SMCHD1: variants seen among roughly 807,000 people sequenced by gnomAD.
SMCHD1 encodes the protein structural maintenance of chromosomes flexible hinge domain-containing protein 1.
Under a neutral mutation model 254.7 loss-of-function variants are expected in SMCHD1, and 78 were observed. That is an observed-to-expected ratio of 0.31 (90% confidence interval 0.26 to 0.37). The LOEUF is 0.37. SMCHD1 is among the 10% of genes least tolerant of loss of function. The pLI is 1.00. For synonymous variants in SMCHD1, 766 were observed against 794.9 expected, an observed-to-expected ratio of 0.96 and a Z score of 0.61; for missense variants, 1,840 against 2,408.1, an observed-to-expected ratio of 0.76 and a Z score of 4.94.
intron 1 of SMCHD1, among the ~76,000 whole-genome samples, chr18:2,660,472 G>T (rs989664643): frequency 2.1e-4 from 27 of 126,164 alleles, no homozygotes; most frequent in Middle Eastern, 8.5e-3. Context: ...AAAATCCATG[G>T]TTTTTTTTTT....
intron 41 of SMCHD1, among the ~76,000 whole-genome samples, chr18:2,775,271 T>C (rs575861678): frequency 6.6e-6 from 1 of 151,816 alleles, no homozygotes; most frequent in African/African-American, 2.4e-5. Flanking sequence ...TACTATAATA[T>C]TGGAGTAAAG....
chr18:2,698,289 T>A (rs1005627532), intron 10 of SMCHD1, among the ~76,000 whole-genome samples: 1 of 152,214 alleles, frequency 6.6e-6, no homozygotes, highest in African/African-American at 2.4e-5. Context: ...AACTTTTAGA[T>A]ATGTATGCGT....
rs1037903593 is a variant in SMCHD1, at chr18:2,803,952, G to A, written c.*1400G>A. 2 of 152,108 alleles carry A rather than the reference G, an allele frequency of 1.3e-5. No individual in the cohort carries two copies. The highest frequency in any genetic ancestry group is 4.8e-5 in the African/African-American group (2 of 41,420). 9.4% of individuals were successfully genotyped at this position (152,108 alleles called of 1,614,324 possible). ...AAATCTTTCATTAGAAATTGGAAATGCTTCAATGAGCATTTCCCTTATGTG... is the reference window on the plus strand; with the variant it reads ...AAATCTTTCATTAGAAATTGGAAATACTTCAATGAGCATTTCCCTTATGTG... On this transcript the variant is annotated 3_prime_UTR_variant, in exon 48 of 48. Coordinates refer to ENST00000320876, the MANE Select transcript of SMCHD1 (RefSeq NM_015295.3).
chr18:2,724,311 T>A (rs1044087384), intron 20 of SMCHD1, among the ~76,000 whole-genome samples: 11 of 151,928 alleles, frequency 7.2e-5, no homozygotes, highest in African/African-American at 2.7e-4. Flanking sequence ...ACTGCAAAGA[T>A]CTACATCTGG....
intron 34 of SMCHD1, among the ~76,000 whole-genome samples, chr18:2,759,637 T>C (rs564080043): frequency 1.4e-5 from 2 of 139,432 alleles, no homozygotes; most frequent in East Asian, 4.4e-4. Flanking sequence ...TGGAGTGATC[T>C]TGGCTCACAG....
chr18:2,707,302 A>G lies in SMCHD1; in HGVS notation c.2064-261A>G, dbSNP rs370917829. ...GTAATTTGTACTATAAACAAGTAGA[A>G]AAAAAAAATCAACAAAAATTTGACA... On this transcript the variant is annotated intron_variant, in intron 15 of 47. Coordinates refer to ENST00000320876, the MANE Select transcript of SMCHD1 (RefSeq NM_015295.3). 1.1e-3 allele frequency: 259 copies of G among 245,098 alleles called. 2 individuals are homozygous for G. Among genetic ancestry groups the G allele is most frequent in the African/African-American group, 6.5e-3 (236 of 36,236 alleles). The allele number at this position is 245,098 out of a possible 1,614,324, so 15.2% of individuals were successfully genotyped here. A position where few individuals can be genotyped will look rare whatever the true frequency, so the allele number is the denominator to read the frequency against.
At chr18:2,729,523 G>T in intron 24 of SMCHD1, 114 bp downstream of exon 24, 1 of 698,872 alleles carries the variant, frequency 1.4e-6, no homozygotes, top group Non-Finnish European at 2.2e-6. Flanking sequence ...AGGTATTTGT[G>T]GTTCTTTCAG....
At chr18:2,671,865 T>C (rs1413750304) in intron 3 of SMCHD1, among the ~76,000 whole-genome samples, 1 of 152,194 alleles carries the variant, frequency 6.6e-6, no homozygotes, top group African/African-American at 2.4e-5. Flanking sequence ...CCCAAAGTGC[T>C]GGGATTACAG....
chr18:2,708,311 C>T (rs2074568320), intron 17 of SMCHD1, among the ~76,000 whole-genome samples: 1 of 152,058 alleles, frequency 6.6e-6, no homozygotes, highest in South Asian at 2.1e-4. Context: ...ATTAAAGTGT[C>T]TTCAGGACTG....
intron 17 of SMCHD1, 64 bp downstream of exon 17, chr18:2,707,984 T>C (rs2074558814): frequency 2.0e-6 from 2 of 1,004,790 alleles, no homozygotes. Context: ...AAATTAAATA[T>C]CTTCATGTAA....
At position 2,769,673 on chromosome 18, in the gene SMCHD1, A is replaced by G. The variant is rs376150671; in HGVS notation, c.4720-21A>G. 6 of 1,579,100 alleles carry G rather than the reference A, an allele frequency of 3.8e-6. No individual in the cohort carries two copies. In the African/African-American group the frequency reaches 5.4e-5, roughly 14 times the overall value. Reference sequence around the variant, plus strand: ...TTCTTTTTAAATCTTGTTTTCCCCTATTGTTTGTTTATATGTACAGAGTCT... The same window carrying G: ...TTCTTTTTAAATCTTGTTTTCCCCTGTTGTTTGTTTATATGTACAGAGTCT... On this transcript the variant is annotated intron_variant, in intron 37 of 47. Transcript: ENST00000320876.
intron 35 of SMCHD1, among the ~76,000 whole-genome samples, chr18:2,761,263 G>A (rs896625639): frequency 6.6e-6 from 1 of 152,150 alleles, no homozygotes; most frequent in Non-Finnish European, 1.5e-5. Flanking sequence ...GATTGCAAAA[G>A]AGGGGAAAGA....
intron 45 of SMCHD1, among the ~76,000 whole-genome samples, chr18:2,795,484 C>T (rs2076246533): frequency 6.6e-6 from 1 of 152,154 alleles, no homozygotes; most frequent in South Asian, 2.1e-4. Flanking sequence ...ACAGCATGCT[C>T]ACTGTCAGTT....
chr18:2,689,967 A>T (rs190111231), intron 7 of SMCHD1, among the ~76,000 whole-genome samples: 1 of 151,814 alleles, frequency 6.6e-6, no homozygotes, highest in Non-Finnish European at 1.5e-5. Flanking sequence ...GTGAGCTATG[A>T]TCATGCCACT....
intron 1 of SMCHD1, among the ~76,000 whole-genome samples, chr18:2,657,117 A>G (rs1162622947): frequency 2.0e-5 from 3 of 152,224 alleles, no homozygotes; most frequent in Non-Finnish European, 2.9e-5. Context: ...AAGAACACTT[A>G]GCGTCCAAGG....
chr18:2,717,677 ACTATTG>A (rs1191280589), intron 17 of SMCHD1, among the ~76,000 whole-genome samples: 27 of 152,104 alleles, frequency 1.8e-4, no homozygotes, highest in Admixed American at 1.8e-3. Context: ...GTGTGAATGC[ACTATTG>A]TACTGTTTCC....
chr18:2,726,603 T>G (rs2075032100), intron 22 of SMCHD1, 79 bp downstream of exon 22: 3 of 687,784 alleles, frequency 4.4e-6, no homozygotes, highest in Non-Finnish European at 6.6e-6. Flanking sequence ...TTAGAGGTTT[T>G]TGGGCTTTTA....
intron 1 of SMCHD1, among the ~76,000 whole-genome samples, chr18:2,664,807 T>C (rs552179044): frequency 2.6e-5 from 4 of 152,352 alleles, no homozygotes; most frequent in African/African-American, 9.6e-5. Flanking sequence ...GCTGGAATTC[T>C]TTAAGGAACA....
chr18:2,685,044 A>G (rs1348683133), intron 5 of SMCHD1, among the ~76,000 whole-genome samples: 3 of 145,718 alleles, frequency 2.1e-5, no homozygotes, highest in African/African-American at 5.1e-5. Flanking sequence ...TTGCTAAACT[A>G]TACACGTCTG....
Sources: allele counts gnomAD v4.1 joint callset (sites outside exome capture counted in the v4.1 genomes callset), GRCh38; gene constraint gnomAD v4.1.1; transcripts MANE v1.5; gene names NCBI Gene and HGNC (gene_info 2026-07-23, HGNC 2026-07-21).